Variants in CIMAP1A observed in about 807,000 individuals in gnomAD.
The protein encoded by CIMAP1A is cancer/testis antigen 135.
chr11:197,309 C>T, the CIMAP1A span: 4 of 1,574,686 alleles, frequency 2.5e-6, no homozygotes, highest in East Asian at 2.3e-5. Context: ...CTGGCCATGA[C>T]GGAGGAGGTA....
chr11:197,042 C>T, the CIMAP1A span: 3 of 315,720 alleles, frequency 9.5e-6, no homozygotes, highest in African/African-American at 6.4e-5. Context: ...GAGCCGAGAA[C>T]AGTGGTGAGT....
At chr11:197,500 C>T in the CIMAP1A span, 1 of 1,594,354 alleles carries the variant, frequency 6.3e-7, no homozygotes, top group Non-Finnish European at 8.6e-7. Flanking sequence ...CAATCCCTGA[C>T]TCCCAGCGGG....
the CIMAP1A span, chr11:197,596 C>T: frequency 1.9e-6 from 3 of 1,613,414 alleles, no homozygotes; most frequent in Admixed American, 1.7e-5. Context: ...GCTGCGTGCA[C>T]CGGCCTACAG....
At chr11:199,964 C>T in the CIMAP1A span, 1,028 of 1,614,108 alleles carry the variant, frequency 6.4e-4, 6 homozygotes, top group African/African-American at 0.012. Context: ...CCAAGCCCTG[C>T]GCCCCAGTTG....
the CIMAP1A span, chr11:199,985 C>A: frequency 1.2e-6 from 2 of 1,614,120 alleles, no homozygotes; most frequent in Non-Finnish European, 1.7e-6. Context: ...TCACCTTCGG[C>A]ATCAAACACT....
At chr11:198,440 T>G in the CIMAP1A span, 2 of 1,613,232 alleles carry the variant, frequency 1.2e-6, no homozygotes, top group Non-Finnish European at 8.5e-7. Flanking sequence ...TGTTCCGGCC[T>G]GAGGCTCCAC....
chr11:197,284 CACTT>C, the CIMAP1A span: 3 of 1,528,580 alleles, frequency 2.0e-6, no homozygotes, highest in Admixed American at 2.0e-5. Flanking sequence ...GTAACCCTCT[CACTT>C]ACGGACAGAG....
the CIMAP1A span, chr11:198,529 T>C: frequency 6.2e-7 from 1 of 1,612,740 alleles, no homozygotes; most frequent in Non-Finnish European, 8.5e-7. Flanking sequence ...CTCCCAGCCC[T>C]CCTTTTCCAT....
the CIMAP1A span, chr11:198,343 G>A: frequency 1.2e-6 from 2 of 1,613,554 alleles, no homozygotes; most frequent in East Asian, 2.2e-5. Context: ...TGGACCTGGG[G>A]ATCCTGGGTG....
At chr11:197,795 C>A in the CIMAP1A span, 4 of 1,602,546 alleles carry the variant, frequency 2.5e-6, no homozygotes, top group Non-Finnish European at 3.4e-6. Flanking sequence ...CTGCCCTGCG[C>A]AGCCTCAGGC....
At chr11:198,747 T>C in the CIMAP1A span, 1 of 1,452,162 alleles carries the variant, frequency 6.9e-7, no homozygotes, top group Non-Finnish European at 9.1e-7. Flanking sequence ...TACACTGCAG[T>C]GGTGAGGAGG....
chr11:198,187 C>T, the CIMAP1A span: 1 of 1,612,356 alleles, frequency 6.2e-7, no homozygotes, highest in Non-Finnish European at 8.5e-7. Context: ...GCCCCCTTGG[C>T]TCCTTGTCCA....
chr11:196,836 G>C, the CIMAP1A span: 1 of 152,652 alleles, frequency 6.6e-6, no homozygotes, highest in Non-Finnish European at 1.5e-5. Flanking sequence ...GGAACTCCCT[G>C]GCACCAAGGC....
At chr11:198,297 C>A in the CIMAP1A span, 1 of 1,613,936 alleles carries the variant, frequency 6.2e-7, no homozygotes, top group South Asian at 1.1e-5. Flanking sequence ...GGACAGCACC[C>A]CAGGTCCGCA....
the CIMAP1A span, chr11:197,195 T>G: frequency 2.2e-5 from 16 of 724,324 alleles, no homozygotes; most frequent in East Asian, 4.2e-4. Context: ...TCCGCAGGTC[T>G]TACCCTTCAG....
chr11:198,507 C>T, the CIMAP1A span: 5 of 1,613,228 alleles, frequency 3.1e-6, no homozygotes, highest in Non-Finnish European at 3.4e-6. Context: ...GGCCCAATAC[C>T]GTCGGCAAGG....
At chr11:199,331 G>T in the CIMAP1A span, 1 of 1,553,592 alleles carries the variant, frequency 6.4e-7, no homozygotes, top group East Asian at 2.4e-5. Context: ...ACACGCCCTG[G>T]GTAGGCCGAG....
chr11:199,024 C>A, the CIMAP1A span: 1 of 1,209,520 alleles, frequency 8.3e-7, no homozygotes, highest in Non-Finnish European at 1.0e-6. Flanking sequence ...TCATGGCACC[C>A]AACAGCCCTC....
At chr11:198,132 T>C in the CIMAP1A span, 1 of 1,572,706 alleles carries the variant, frequency 6.4e-7, no homozygotes, top group Non-Finnish European at 8.6e-7. Context: ...GGAGTCCTCC[T>C]TGAGCCCCCA....
Sources: allele counts gnomAD v4.1 joint callset, GRCh38; gene constraint gnomAD v4.1.1; transcripts MANE v1.5; gene names NCBI Gene and HGNC (gene_info 2026-07-23, HGNC 2026-07-21).